The following ST3GAL1 variants were observed in gnomAD, a reference collection of about 807,000 sequenced individuals.
ST3GAL1 encodes the protein ST3 beta-galactoside alpha-2,3-sialyltransferase 1, also known as CMP-N-acetylneuraminate-beta-galactosamide-alpha-2,3-sialyltransferase 1.
A neutral mutation model predicts 34.1 loss-of-function variants in ST3GAL1; 16 were observed. The observed-to-expected ratio is 0.47, with a 90% confidence interval of 0.32 to 0.71. ST3GAL1 has a LOEUF of 0.71. Ranked by LOEUF, ST3GAL1 falls within the 30% of genes least tolerant of loss-of-function variation. ST3GAL1 has a pLI of 0.04. For missense variants in ST3GAL1, 353 were observed against 447.4 expected (o/e 0.79, Z 1.90); for synonymous variants, 191 against 184.7 (o/e 1.03, Z -0.28).
chr8:133,506,938 T>A (rs1024490924), intron 2 of ST3GAL1, among the ~76,000 whole-genome samples: 91 of 125,316 alleles, frequency 7.3e-4, no homozygotes, highest in African/African-American at 2.7e-3. Flanking sequence ...AAAATAAATA[T>A]ATAAATAAAT....
intron 3 of ST3GAL1, among the ~76,000 whole-genome samples, chr8:133,485,773 A>AACAG (rs1554613221): frequency 1.3e-5 from 2 of 151,742 alleles, no homozygotes; most frequent in Non-Finnish European, 2.9e-5. Context: ...TGCAACTGAA[A>AACAG]AGAGAGGGTG....
At chr8:133,559,816 T>A (rs1819162932) in intron 1 of ST3GAL1, among the ~76,000 whole-genome samples, 1 of 152,218 alleles carries the variant, frequency 6.6e-6, no homozygotes, top group African/African-American at 2.4e-5. Context: ...CACGCCTGAT[T>A]GCAAACTTTG....
intron 1 of ST3GAL1, among the ~76,000 whole-genome samples, chr8:133,546,393 G>C (rs1380671042): frequency 6.6e-6 from 1 of 150,842 alleles, no homozygotes; most frequent in African/African-American, 2.4e-5. Flanking sequence ...TGAGGCAGGA[G>C]AATTGCTTGA....
chr8:133,557,492 G>T (rs965438667), intron 1 of ST3GAL1, among the ~76,000 whole-genome samples: 2 of 152,176 alleles, frequency 1.3e-5, no homozygotes, highest in Non-Finnish European at 2.9e-5. Context: ...CTCCTATCCA[G>T]GTTCTGCCTG....
intron 2 of ST3GAL1, among the ~76,000 whole-genome samples, chr8:133,518,944 C>T (rs1202392851): frequency 6.6e-6 from 1 of 152,128 alleles, no homozygotes; most frequent in Non-Finnish European, 1.5e-5. Context: ...GTAAACACGA[C>T]CTCAGGCTGC....
At chr8:133,486,111 G>A (rs1816583017) in intron 3 of ST3GAL1, among the ~76,000 whole-genome samples, 1 of 152,214 alleles carries the variant, frequency 6.6e-6, no homozygotes, top group Non-Finnish European at 1.5e-5. Flanking sequence ...GAGGCCCACA[G>A]TGGTCAAGCC....
chr8:133,468,395 T>C (rs1294298371), intron 5 of ST3GAL1, among the ~76,000 whole-genome samples: 4 of 152,320 alleles, frequency 2.6e-5, no homozygotes, highest in Middle Eastern at 3.4e-3. Context: ...TGATTCCACT[T>C]ATGTGAGGTA....
chr8:133,532,946 AT>A (rs1818201123), intron 2 of ST3GAL1, among the ~76,000 whole-genome samples: 1 of 152,126 alleles, frequency 6.6e-6, no homozygotes, highest in Admixed American at 6.5e-5. Flanking sequence ...TCTTTCCCAT[AT>A]TCATTCGTTG....
intron 2 of ST3GAL1, among the ~76,000 whole-genome samples, chr8:133,538,608 A>C (rs1818376277): frequency 6.6e-6 from 1 of 152,240 alleles, no homozygotes; most frequent in South Asian, 2.1e-4. Context: ...AGGCTGAGGG[A>C]ATCCAAGCAC....
At chr8:133,472,097 G>C in intron 5 of ST3GAL1, among the ~76,000 whole-genome samples, 1 of 152,050 alleles carries the variant, frequency 6.6e-6, no homozygotes, top group Non-Finnish European at 1.5e-5. Flanking sequence ...GGGGTCAGTA[G>C]GTCCAGCCTG....
intron 2 of ST3GAL1, among the ~76,000 whole-genome samples, chr8:133,500,768 C>T (rs963990102): frequency 2.6e-5 from 4 of 152,208 alleles, no homozygotes; most frequent in African/African-American, 4.8e-5. Context: ...GCCATGCTCC[C>T]TGAGGGCTGA....
chr8:133,554,124 G>A (rs1190712581), intron 1 of ST3GAL1, among the ~76,000 whole-genome samples: 3 of 152,152 alleles, frequency 2.0e-5, no homozygotes, highest in South Asian at 4.1e-4. Flanking sequence ...GAATAGGACC[G>A]CTCCTCATTG....
At position 133,475,936 on chromosome 8, in the gene ST3GAL1, T is replaced by G. The variant is rs900656828; in HGVS notation, c.89A>C (p.His30Pro). 1 of 1,613,864 alleles carries G rather than the reference T, an allele frequency of 6.2e-7. No homozygotes were observed. Among genetic ancestry groups the G allele is most frequent in the South Asian group, 1.1e-5 (1 of 91,062 alleles). ...GAACCAGGTGGTGGCCACCATGGTG[T>G]GGGAGTAGTTCAGGAAGAAGGAGGT... Reference protein sequence around the residue: ...FLTSFFLNYSHTMVATTWFPK... With the variant: ...FLTSFFLNYSPTMVATTWFPK... The change falls in exon 5 of 10, where the codon CAC becomes CCC. Residue 30 changes from histidine (H) to proline (P), a missense_variant. By Grantham distance (77) the His-to-Pro change is moderately conservative. Coordinates refer to ENST00000522652, the MANE Select transcript of ST3GAL1 (RefSeq NM_173344.3).
intron 2 of ST3GAL1, among the ~76,000 whole-genome samples, chr8:133,529,706 C>A (rs1460085338): frequency 4.6e-5 from 7 of 152,080 alleles, no homozygotes; most frequent in African/African-American, 1.7e-4. Flanking sequence ...GTCTGGCCAC[C>A]CCCTTCTCAT....
rs962389697 is a variant in ST3GAL1, at chr8:133,508,949, G to C, written c.-428-9760C>G. 1.3e-5 allele frequency among the ~76,000 whole-genome samples: 2 copies of C among 152,112 alleles called. No homozygotes were observed. Among genetic ancestry groups the C allele is most frequent in the African/African-American group, 4.8e-5 (2 of 41,414 alleles). On this transcript the variant is annotated intron_variant, in intron 2 of 9. Transcript: ENST00000522652. The surrounding 1 kb of genome is among the most constrained non-coding windows in gnomAD (Gnocchi z 4.1). ...TTGAGTAATGAAGTCCCTTGTCTCTGATCCAGGAAGCTCCTGTCTTCTGCC... is the reference window on the plus strand; with the variant it reads ...TTGAGTAATGAAGTCCCTTGTCTCTCATCCAGGAAGCTCCTGTCTTCTGCC...
In ST3GAL1 at chr8:133,556,707, T is replaced by C. The variant is rs1027095060; in HGVS notation, c.-581-10781A>G. Among the ~76,000 whole-genome samples, 8 of 152,160 alleles carry C rather than the reference T, an allele frequency of 5.3e-5. No homozygotes were observed. Among genetic ancestry groups the C allele is most frequent in the Non-Finnish European group, 1.0e-4 (7 of 68,022 alleles). ...AGAAAACTATTAGCCATGGAAACCTTGCACCCAAGGACACGGCTGACATCA... is the reference window on the plus strand; with the variant it reads ...AGAAAACTATTAGCCATGGAAACCTCGCACCCAAGGACACGGCTGACATCA... On this transcript the variant is annotated intron_variant, in intron 1 of 9. Coordinates refer to ENST00000522652, the MANE Select transcript of ST3GAL1 (RefSeq NM_173344.3). The surrounding 1 kb of genome is among the most constrained non-coding windows in gnomAD (Gnocchi z 8.9).
chr8:133,527,980 G>C (rs1818026541), intron 2 of ST3GAL1, among the ~76,000 whole-genome samples: 1 of 151,220 alleles, frequency 6.6e-6, no homozygotes, highest in African/African-American at 2.4e-5. Flanking sequence ...AGAGTATCCT[G>C]GCCAACATGG....
chr8:133,497,455 AATTTTTTTTTTTTTTT>A (rs1049581353), intron 3 of ST3GAL1, among the ~76,000 whole-genome samples: 2 of 101,242 alleles, frequency 2.0e-5, no homozygotes, highest in Admixed American at 1.2e-4. Flanking sequence ...ATTTTGTTGG[AATTTTTTTTTTTTTTT>A]TTTTTTTTTT....
At chr8:133,540,924 T>TATAGAGAC (rs1253984360) in intron 2 of ST3GAL1, among the ~76,000 whole-genome samples, 1 of 75,890 alleles carries the variant, frequency 1.3e-5, no homozygotes, top group African/African-American at 5.7e-5. Context: ...TATAGACATA[T>TATAGAGAC]ATATATAGAC....
Sources: gnomAD v4.1 joint callset for allele counts (sites outside exome capture counted in the v4.1 genomes callset) on GRCh38, gnomAD v4.1.1 for gene constraint, Gnocchi (gnomAD v3.1) non-coding constraint, MANE v1.5 for transcripts, NCBI Gene and HGNC (gene_info 2026-07-23, HGNC 2026-07-21) for gene names.